The following CA5B variants were observed in gnomAD, a reference collection of about 807,000 sequenced individuals.
CA5B encodes carbonic anhydrase 5B.
A neutral mutation model predicts 23.1 loss-of-function variants in CA5B; 15 were observed. The observed-to-expected ratio is 0.65, with a 90% CI of 0.43 to 1.00. The LOEUF is 1.00. CA5B is among the 50% of genes least tolerant of loss of function. The pLI, the probability that CA5B is intolerant of heterozygous loss-of-function variation, is 0.00. For missense variants in CA5B, 236 were observed against 252.2 expected (o/e 0.94, Z 0.43); for synonymous variants, 84 against 98.5 (o/e 0.85, Z 0.87).
At chrX:15,752,492 G>A (rs999055589) in intron 2 of CA5B, among the ~76,000 whole-genome samples, 23 of 111,671 alleles carry the variant, frequency 2.1e-4, no homozygotes, top group African/African-American at 2.9e-4. Context: ...TTGCGAGGCC[G>A]AGGCGGGCGG....
At chrX:15,776,686 T>A (rs1388418693) in intron 6 of CA5B, 28 bp from the exon 7 acceptor site, 2 of 1,172,771 alleles carry the variant, frequency 1.7e-6, no homozygotes, top group African/African-American at 3.6e-5. Context: ...TACTAAATAA[T>A]GACTCGGTTA....
chrX:15,743,848 T>C (rs1931171227), intron 1 of CA5B, among the ~76,000 whole-genome samples: 1 of 112,066 alleles, frequency 8.9e-6, no homozygotes, highest in South Asian at 3.7e-4. Flanking sequence ...TACTCTTGGC[T>C]TTCTTTCAGA....
At chrX:15,748,967 G>C (rs757862753) in intron 1 of CA5B, among the ~76,000 whole-genome samples, 2 of 111,741 alleles carry the variant, frequency 1.8e-5, no homozygotes, top group South Asian at 7.5e-4. Context: ...TAGCTGGTGG[G>C]CAGGCAGGAG....
At chrX:15,774,704 C>T (rs1043943964) in intron 5 of CA5B, among the ~76,000 whole-genome samples, 4 of 110,925 alleles carry the variant, frequency 3.6e-5, no homozygotes, top group African/African-American at 9.8e-5. Context: ...CATAGTGGTG[C>T]GCACCTGTAA....
At chrX:15,770,141 CCTT>C (rs1931789825) in intron 3 of CA5B, among the ~76,000 whole-genome samples, 1 of 109,700 alleles carries the variant, frequency 9.1e-6, no homozygotes, top group African/African-American at 3.3e-5. Context: ...TGGTGAAACT[CCTT>C]CTCTACCAAA....
chrX:15,753,099 C>T (rs1233360530), intron 2 of CA5B, among the ~76,000 whole-genome samples: 1 of 111,862 alleles, frequency 8.9e-6, no homozygotes, highest in Non-Finnish European at 1.9e-5. Flanking sequence ...TGTATAAAAA[C>T]AAGCTGTACC....
chrX:15,762,969 A>G (rs1931634797), intron 2 of CA5B: 1 of 323,390 alleles, frequency 3.1e-6, no homozygotes, highest in Non-Finnish European at 6.2e-6. Context: ...TTGACTCTGG[A>G]AGAAAATCAG....
Position 15,750,154 on chromosome X carries a change from G to A in CA5B, c.131G>A (p.Arg44Gln), listed in dbSNP as rs763906499. 3.0e-5 allele frequency: 36 copies of A among 1,206,116 alleles called. No individual in the cohort carries two copies. Among genetic ancestry groups the A allele is most frequent in the African/African-American group, 3.5e-5 (2 of 57,199 alleles). ...CSLYTCTYKT[R>Q]NRALHPLWES... is the part of the protein sequence containing the mutation. The stretch of plus-strand genomic sequence containing the variant: ...CTCTATACTTGTACTTACAAAACCC[G>A]GAACCGAGCCTGTGAGTACACCACT... The change falls in exon 2 of 8, where the codon CGG (arginine) becomes CAG (glutamine). Residue 44 changes from arginine to glutamine, a missense_variant. Coordinates refer to ENST00000318636, the MANE Select transcript of CA5B (RefSeq NM_007220.4).
intron 2 of CA5B, among the ~76,000 whole-genome samples, 181 bp from the exon 3 acceptor site, chrX:15,764,397 C>T (rs1230638153): frequency 9.0e-6 from 1 of 110,651 alleles, no homozygotes; most frequent in Non-Finnish European, 1.9e-5. Context: ...TACCACCACG[C>T]CTGGATAATT....
At chrX:15,766,155 C>CA (rs58783397) in intron 3 of CA5B, among the ~76,000 whole-genome samples, 27 of 41,151 alleles carry the variant, frequency 6.6e-4, no homozygotes, top group East Asian at 1.6e-3. Flanking sequence ...GACTCTGTCT[C>CA]AAAAAAAAAA....
intron 1 of CA5B, among the ~76,000 whole-genome samples, chrX:15,748,708 A>AGGGGGGCCCC: frequency 1.7e-5 from 1 of 58,291 alleles, no homozygotes; most frequent in South Asian, 1.6e-3. Flanking sequence ...TATAGTGAGA[A>AGGGGGGCCCC]CCCCCCCCCC....
intron 1 of CA5B, 79 bp from the exon 2 acceptor site, chrX:15,749,892 T>C: frequency 1.3e-6 from 1 of 763,462 alleles, no homozygotes; most frequent in Non-Finnish European, 1.9e-6. Flanking sequence ...AGTCTGAATA[T>C]TGTCCTGCTT....
chrX:15,776,839 G>A lies in CA5B; in HGVS notation c.744G>A (p.Lys248=), dbSNP rs1931942101. The A allele has an allele frequency of 1.7e-6, 2 of 1,210,152 alleles. 1 individual carries two copies. The highest frequency in any genetic ancestry group is 5.9e-5 in the East Asian group (2 of 33,854). ...PLSESVTWII[K]KQPVEVDHDQ... ...CCGAGTCTGTCACCTGGATCATTAA[G>A]AAGCAACCAGTAGAGGTTGATCATG... The change falls in exon 7 of 8, where the codon AAG becomes AAA. Residue 248 remains lysine, a synonymous_variant. Transcript: ENST00000318636.
At chrX:15,752,309 C>G (rs1055136280) in intron 2 of CA5B, among the ~76,000 whole-genome samples, 1 of 111,560 alleles carries the variant, frequency 9.0e-6, no homozygotes, top group Non-Finnish European at 1.9e-5. Flanking sequence ...TCCAAGCTGA[C>G]TTTGGCATAA....
chrX:15,766,808 A>C (rs1931718727), intron 3 of CA5B: 1 of 252,503 alleles, frequency 4.0e-6, no homozygotes, highest in Non-Finnish European at 7.3e-6. Context: ...AGTGGGTATA[A>C]GTTTAGTTTT....
rs1287942557 is a variant in CA5B, at chrX:15,786,467, G to GT, written c.*3804dup. 3.6e-5 allele frequency: 4 copies of GT among 110,974 alleles called. No homozygotes were observed. Among genetic ancestry groups the GT allele is most frequent in the Non-Finnish European group, 7.5e-5 (4 of 53,029 alleles). 9.1% of individuals were successfully genotyped at this position (110,974 alleles called of 1,213,427 possible). A position where few individuals can be genotyped will look rare whatever the true frequency, so the allele number is the denominator to read the frequency against. On this transcript the variant is annotated 3_prime_UTR_variant, in exon 8 of 8. Coordinates refer to ENST00000318636, the MANE Select transcript of CA5B (RefSeq NM_007220.4). Reference sequence around the variant, plus strand: ...ACTGATACACCTTAACAAGAAGCTTGTGTTTTTTATGCCCTCAAAAGTGTT... The same window carrying GT: ...ACTGATACACCTTAACAAGAAGCTTGTTGTTTTTTATGCCCTCAAAAGTGTT...
intron 3 of CA5B, chrX:15,767,067 T>C: frequency 1.1e-6 from 1 of 894,648 alleles, no homozygotes; most frequent in Non-Finnish European, 1.4e-6. Context: ...ACCATTATCC[T>C]TGCCAGACGT....
At chrX:15,743,282 C>G (rs932477240) in intron 1 of CA5B, among the ~76,000 whole-genome samples, 1 of 112,439 alleles carries the variant, frequency 8.9e-6, no homozygotes, top group African/African-American at 3.2e-5. Flanking sequence ...CTCCTGTGAA[C>G]AATATATTTA....
rs1307653723 is a variant in CA5B, at chrX:15,775,291, C to T, written c.601C>T (p.Pro201Ser). Residue 201 changes from proline (P) to serine (S), a missense_variant, in exon 6 of 8, where the codon CCG (proline) becomes TCG (serine). This residue lies in a region of CA5B where 170 missense variants were observed against 162.0 expected (regional missense o/e 1.05). Transcript: ENST00000318636. Reference protein sequence around the residue: ...KELQKLVDTLPSIKHKDALVE... With the variant: ...KELQKLVDTLSSIKHKDALVE... ...GCTACAGAAATTAGTGGATACTTTG[C>T]CGTCAATTAAGCATAAGGTACTATT... 8.3e-7 allele frequency: 1 copy of T among 1,198,736 alleles called. No individual in the cohort carries two copies. The highest frequency in any genetic ancestry group is 1.7e-5 in the African/African-American group (1 of 57,633).
Sources: allele counts gnomAD v4.1 joint callset (sites outside exome capture counted in the v4.1 genomes callset), GRCh38; gene constraint gnomAD v4.1.1; regional missense constraint gnomAD v4.1.1; transcripts MANE v1.5; gene names NCBI Gene and HGNC (gene_info 2026-07-23, HGNC 2026-07-21).